The following GPHN variants were observed in gnomAD, a reference collection of about 807,000 sequenced individuals.
GPHN encodes gephyrin.
In GPHN, 17 loss-of-function variants were observed where a neutral mutation model predicts 95.5. The ratio of observed to expected loss-of-function variants is 0.18; its 90% CI spans 0.12 to 0.27. The LOEUF (loss-of-function observed/expected upper bound fraction) is 0.27. Ranked by LOEUF, GPHN falls within the 10% of genes least tolerant of loss-of-function variation. The pLI is 1.00. For synonymous variants in GPHN, 320 were observed against 322.5 expected (o/e 0.99, Z 0.08); for missense variants, 660 against 978.1 (o/e 0.67, Z 4.34).
At chr14:67,439,593 C>CTTTCTTTTTTTCT in the GPHN span, among the ~76,000 whole-genome samples, 5 of 109,842 alleles carry the variant, frequency 4.6e-5, no homozygotes, top group African/African-American at 1.7e-4. Context: ...TTCTTTCTTT[C>CTTTCTTTTTTTCT]TTCTTTCTTT....
At chr14:67,517,263 C>T in the GPHN span, among the ~76,000 whole-genome samples, 6 of 152,294 alleles carry the variant, frequency 3.9e-5, no homozygotes, top group South Asian at 4.2e-4. Flanking sequence ...TAGCTGTGGC[C>T]GGCGGCTGGC....
chr14:67,272,693 C>T, the GPHN span, among the ~76,000 whole-genome samples: 1 of 152,186 alleles, frequency 6.6e-6, no homozygotes, highest in South Asian at 2.1e-4. Context: ...GAGTCTCGCG[C>T]TGTCTCCCAG....
intron 2 of GPHN, among the ~76,000 whole-genome samples, chr14:66,707,401 A>G (rs758460095): frequency 5.3e-5 from 8 of 152,170 alleles, no homozygotes; most frequent in Non-Finnish European, 1.2e-4. Context: ...TAGCAAAGAC[A>G]TGGAACCAAC....
Position 66,566,448 on chromosome 14 carries a change from G to A in GPHN, c.64+57857G>A, listed in dbSNP as rs113156535. Among the ~76,000 whole-genome samples, 580 of 152,176 alleles carry A rather than the reference G, an allele frequency of 3.8e-3. 12 individuals carry two copies. The highest frequency in any genetic ancestry group is 0.013 in the African/African-American group (531 of 41,530). ...CTGTTTTATGAAGGAATAAAATACC[G>A]AGGAATTGTATTGACAGGGTCTGTA... On this transcript the variant is annotated intron_variant, in intron 1 of 22. Transcript: ENST00000478722.
chr14:67,562,577 C>T, the GPHN span: 22 of 1,612,050 alleles, frequency 1.4e-5, no homozygotes, highest in African/African-American at 1.5e-4. Context: ...ACCAAAGGTG[C>T]GGGCTCCTGG....
intron 20 of GPHN, among the ~76,000 whole-genome samples, chr14:67,167,427 C>G (rs147513850): frequency 6.6e-6 from 1 of 152,106 alleles, no homozygotes; most frequent in Admixed American, 6.5e-5. Flanking sequence ...TATTTTGAAG[C>G]AAGGGAAAGT....
chr14:66,529,135 C>T (rs1417241159), intron 1 of GPHN, among the ~76,000 whole-genome samples: 2 of 152,178 alleles, frequency 1.3e-5, no homozygotes, highest in South Asian at 2.1e-4. Context: ...TTAACATAGT[C>T]CCATATTTCT....
the GPHN span, among the ~76,000 whole-genome samples, chr14:67,513,261 T>C: frequency 6.6e-6 from 1 of 152,140 alleles, no homozygotes; most frequent in African/African-American, 2.4e-5. Flanking sequence ...GACAAACCAA[T>C]AAAGCCGCTC....
At chr14:67,272,381 A>G in the GPHN span, among the ~76,000 whole-genome samples, 1 of 152,108 alleles carries the variant, frequency 6.6e-6, no homozygotes, top group Non-Finnish European at 1.5e-5. Context: ...GCCTACTTCC[A>G]ACCTCGTTTT....
chr14:67,150,453 C>CAAAAAAAAAAAAAAAAAAA (rs1164806975), intron 18 of GPHN, among the ~76,000 whole-genome samples: 13 of 98,030 alleles, frequency 1.3e-4, no homozygotes, highest in African/African-American at 2.7e-4. Context: ...AAAAAAAAAA[C>CAAAAAAAAAAAAAAAAAAA]AAAAAAAAAA....
chr14:67,461,678 G>T, the GPHN span, among the ~76,000 whole-genome samples: 3 of 152,192 alleles, frequency 2.0e-5, no homozygotes, highest in South Asian at 6.2e-4. Flanking sequence ...ACAATGCACA[G>T]TCAGAAGAAG....
intron 2 of GPHN, among the ~76,000 whole-genome samples, chr14:66,686,850 C>T (rs1216704507): frequency 6.6e-6 from 1 of 152,066 alleles, no homozygotes; most frequent in African/African-American, 2.4e-5. Flanking sequence ...AGAATGCTTC[C>T]AGTTTTTGCC....
At chr14:66,546,128 C>T (rs1347500769) in intron 1 of GPHN, among the ~76,000 whole-genome samples, 8 of 147,806 alleles carry the variant, frequency 5.4e-5, no homozygotes, top group East Asian at 2.1e-4. Flanking sequence ...ACATCTCAGA[C>T]GATGGGCGGC....
chr14:67,728,413 A>G, the GPHN span, among the ~76,000 whole-genome samples: 1 of 152,176 alleles, frequency 6.6e-6, no homozygotes, highest in African/African-American at 2.4e-5. Context: ...AAATTTGCCC[A>G]AGGAAGGTTC....
At chr14:67,382,716 C>G in the GPHN span, 1 of 1,097,122 alleles carries the variant, frequency 9.1e-7, no homozygotes, top group Non-Finnish European at 1.4e-6. Flanking sequence ...CCTTTGATCA[C>G]TAATGGTGTT....
the GPHN span, among the ~76,000 whole-genome samples, chr14:67,715,669 T>C: frequency 1.3e-5 from 2 of 152,352 alleles, no homozygotes; most frequent in African/African-American, 4.8e-5. Context: ...AAGTATCTTC[T>C]GAAGGAGTGA....
chr14:67,190,629 T>G, the GPHN span, among the ~76,000 whole-genome samples: 1 of 152,186 alleles, frequency 6.6e-6, no homozygotes, highest in South Asian at 2.1e-4. Context: ...ACAGCCCTTT[T>G]TAATTACTCA....
the GPHN span, among the ~76,000 whole-genome samples, chr14:67,243,560 T>C: frequency 6.9e-6 from 1 of 145,140 alleles, no homozygotes; most frequent in African/African-American, 2.6e-5. Flanking sequence ...TGGCGCAATC[T>C]CGGCTCACTG....
At chr14:66,729,632 C>T (rs1396019422) in intron 2 of GPHN, among the ~76,000 whole-genome samples, 1 of 152,104 alleles carries the variant, frequency 6.6e-6, no homozygotes, top group African/African-American at 2.4e-5. Context: ...TTGTCAAAAT[C>T]CATCAAACAT....
Sources: gnomAD v4.1 joint callset for allele counts (sites outside exome capture counted in the v4.1 genomes callset) on GRCh38, gnomAD v4.1.1 for gene constraint, MANE v1.5 for transcripts, NCBI Gene and HGNC (gene_info 2026-07-23, HGNC 2026-07-21) for gene names.